Variants in LRRTM2 observed in about 807,000 individuals in gnomAD.
LRRTM2 encodes leucine rich repeat transmembrane neuronal 2, also known as leucine-rich repeat transmembrane neuronal protein 2.
A neutral mutation model predicts 40.7 loss-of-function variants in LRRTM2; 14 were observed. The ratio of observed to expected loss-of-function variants is 0.34; its 90% CI spans 0.23 to 0.54. LRRTM2 has a LOEUF of 0.54. Among genes scored for constraint, LRRTM2 ranks in the 20% least tolerant of loss-of-function variants. The pLI is 0.92. For missense variants in LRRTM2, 468 were observed against 624.4 expected (o/e 0.75, Z 2.67); for synonymous variants, 223 against 237.6 (o/e 0.94, Z 0.57).
chr5:138,874,943 C>T lies in LRRTM2; in HGVS notation c.-32G>A, dbSNP rs879769167. The stretch of plus-strand genomic sequence containing the variant: ...GAGCACATTGGAGGCTGCATTCAGT[C>T]GCGGTTGTTAGACTCAACGCAGTGA... On this transcript the variant is annotated 5_prime_UTR_variant, in exon 1 of 2. Transcript: ENST00000274711. This position sits in a 1 kb window ranked among gnomAD's most constrained non-coding sequence, Gnocchi z 4.1. The T allele has an allele frequency of 6.8e-6, 11 of 1,613,106 alleles. No individual in the cohort carries two copies. Among genetic ancestry groups the T allele is most frequent in the Middle Eastern group, 1.6e-4 (1 of 6,084 alleles).
chr5:138,870,099 A>C lies in LRRTM2; in HGVS notation c.*2911T>G, dbSNP rs1350722734. On this transcript the variant is annotated 3_prime_UTR_variant, in exon 2 of 2. Transcript: ENST00000274711. Reference sequence around the variant, plus strand: ...ATGGTCATTTTCCTCTAATCTTAAAAATAGAAAAAAAATGGAGTGGGTAGT... The same window carrying C: ...ATGGTCATTTTCCTCTAATCTTAAACATAGAAAAAAAATGGAGTGGGTAGT... The C allele has an allele frequency of 1.3e-5, 2 of 152,228 alleles. No individual in the cohort carries two copies. Among genetic ancestry groups the C allele is most frequent in the Non-Finnish European group, 2.9e-5 (2 of 68,048 alleles). The allele number at this position is 152,228 out of a possible 1,614,324, so 9.4% of individuals were successfully genotyped here.
In LRRTM2 at chr5:138,873,913, C is replaced by G. The variant is rs1241931672; in HGVS notation, c.648G>C (p.Gln216His). The change falls in exon 2 of 2, where the codon CAG becomes CAC. Residue 216 changes from glutamine (Q) to histidine (H), a missense_variant. Coordinates refer to ENST00000274711, the MANE Select transcript of LRRTM2 (RefSeq NM_015564.3). This position sits in a 1 kb window ranked among gnomAD's most constrained non-coding sequence, Gnocchi z 6.1. ...AATGAGCAAAATTAATCTTCGTCAG[C>G]TGGTTGTGCTCTAGGTGAAGCTCTC... ...KLRELHLEHNQLTKINFAHFL... is the reference protein window; with the variant it reads ...KLRELHLEHNHLTKINFAHFL... The G allele has an allele frequency of 6.2e-7, 1 of 1,613,868 alleles. No homozygotes were observed. Among genetic ancestry groups the G allele is most frequent in the African/African-American group, 1.3e-5 (1 of 74,912 alleles).
At position 138,873,250 on chromosome 5, in the gene LRRTM2, A is replaced by C. The variant is rs754512980; in HGVS notation, c.1311T>G (p.Ile437Met). ...TCCTGGAGATGAACACTATAAAAAT[A>C]ATAAAAAAGAAAGAAAACAATAAAG... The part of the protein sequence containing the change: ...TMALLFSFFF[I>M]IFIVFISRKC... Residue 437 changes from isoleucine (I) to methionine (M), a missense_variant, in exon 2 of 2, where the codon ATT becomes ATG. By Grantham distance (10) the Ile-to-Met change is conservative (BLOSUM62 1). Coordinates refer to ENST00000274711, the MANE Select transcript of LRRTM2 (RefSeq NM_015564.3). This position sits in a 1 kb window ranked among gnomAD's most constrained non-coding sequence, Gnocchi z 6.1. 1.9e-5 allele frequency: 30 copies of C among 1,613,754 alleles called. No individual in the cohort carries two copies. Among genetic ancestry groups the C allele is most frequent in the Non-Finnish European group, 2.4e-5 (28 of 1,179,734 alleles).
chr5:138,874,616 GCTA>G lies in LRRTM2; in HGVS notation c.5-63_5-61del. On this transcript the variant is annotated intron_variant, in intron 1 of 1. Coordinates refer to ENST00000274711, the MANE Select transcript of LRRTM2 (RefSeq NM_015564.3). The surrounding 1 kb of genome is among the most constrained non-coding windows in gnomAD (Gnocchi z 4.1). ...GGATATTTTTCAGCAGAACATATGG[GCTA>G]TTTAAAAAAAACAACCACCACCAAC... The G allele has an allele frequency of 9.2e-7, 1 of 1,090,776 alleles. No homozygotes were observed. Among genetic ancestry groups the G allele is most frequent in the Non-Finnish European group, 1.3e-6 (1 of 777,174 alleles). The allele number at this position is 1,090,776 out of a possible 1,614,324, so 67.6% of individuals were successfully genotyped here. A position where few individuals can be genotyped will look rare whatever the true frequency, so the allele number is the denominator to read the frequency against.
rs1479647539 is a variant in LRRTM2, at chr5:138,874,279, G to A, written c.282C>T (p.His94=). 1.2e-6 allele frequency: 2 copies of A among 1,613,990 alleles called. No homozygotes were observed. The highest frequency in any genetic ancestry group is 1.3e-5 in the African/African-American group (1 of 75,036). ...CTTCTTTTACTGTTGAAATTTGATT[G>A]TGATCTAAGTGGAGCCAAGTAAGTT... ...FSQLTWLHLD[H]NQISTVKEDA... Residue 94 remains histidine, a synonymous_variant, in exon 2 of 2, where the codon CAC becomes CAT. Coordinates refer to ENST00000274711, the MANE Select transcript of LRRTM2 (RefSeq NM_015564.3). This position sits in a 1 kb window ranked among gnomAD's most constrained non-coding sequence, Gnocchi z 4.1.
At position 138,875,250 on chromosome 5, in the gene LRRTM2, A is replaced by G. The variant is rs1001554822; in HGVS notation, c.-339T>C. ...CTCTTGGTCTTAACTTGTTGATGGCAGATGGGTGGCTTGTTGCAGAGAAGA... is the reference window on the plus strand; with the variant it reads ...CTCTTGGTCTTAACTTGTTGATGGCGGATGGGTGGCTTGTTGCAGAGAAGA... On this transcript the variant is annotated 5_prime_UTR_variant, in exon 1 of 2. Coordinates refer to ENST00000274711, the MANE Select transcript of LRRTM2 (RefSeq NM_015564.3). The G allele has an allele frequency of 2.1e-5, 7 of 339,476 alleles. No homozygotes were observed. Among genetic ancestry groups the G allele is most frequent in the Middle Eastern group, 1.0e-3 (1 of 970 alleles). 21.0% of individuals were successfully genotyped at this position (339,476 alleles called of 1,614,324 possible). A position where few individuals can be genotyped will look rare whatever the true frequency, so the allele number is the denominator to read the frequency against.
rs1374686315 is a variant in LRRTM2, at chr5:138,869,370, CTCTCT to C, written c.*3635_*3639del. 1.4e-5 allele frequency: 2 copies of C among 144,132 alleles called. No individual in the cohort carries two copies. Among genetic ancestry groups the C allele is most frequent in the Admixed American group, 6.9e-5 (1 of 14,512 alleles). 8.9% of individuals were successfully genotyped at this position (144,132 alleles called of 1,614,324 possible). On this transcript the variant is annotated 3_prime_UTR_variant, in exon 2 of 2. Transcript: ENST00000274711. ...ATCTATAGATGGCCTTACTGTCTCT[CTCTCT>C]TTTTTTTTTTTTTTCCTGGCTCAAG...
Position 138,873,517 on chromosome 5 carries a change from C to T in LRRTM2, c.1044G>A (p.Glu348=), listed in dbSNP as rs1397700132. Reference sequence around the variant, plus strand: ...ATCCATGGACTGCATCTAGAATATCCTCTCCTTGGGTGTGGTCAGGACTGT... The same window carrying T: ...ATCCATGGACTGCATCTAGAATATCTTCTCCTTGGGTGTGGTCAGGACTGT... ...LCHSPDHTQG[E]DILDAVHGFQ... is the part of the protein sequence containing the mutation. Residue 348 remains glutamate, a synonymous_variant, in exon 2 of 2, where the codon GAG becomes GAA. Coordinates refer to ENST00000274711, the MANE Select transcript of LRRTM2 (RefSeq NM_015564.3). This position sits in a 1 kb window ranked among gnomAD's most constrained non-coding sequence, Gnocchi z 6.1. The T allele has an allele frequency of 2.5e-6, 4 of 1,613,864 alleles. No individual in the cohort carries two copies. Among genetic ancestry groups the T allele is most frequent in the Non-Finnish European group, 8.5e-7 (1 of 1,179,900 alleles).
chr5:138,872,027 A>AGTGTGTGTGTGTGTGTGT lies in LRRTM2; in HGVS notation c.*965_*982dup, dbSNP rs370259988. ...TGATAGTTGAGAGAGAGAGCGCGAG[A>AGTGTGTGTGTGTGTGTGT]GTGTGTGTGTGTGTGTGTGTGTGTG... On this transcript the variant is annotated 3_prime_UTR_variant, in exon 2 of 2. Coordinates refer to ENST00000274711, the MANE Select transcript of LRRTM2 (RefSeq NM_015564.3). 6 of 133,066 alleles carry AGTGTGTGTGTGTGTGTGT rather than the reference A, an allele frequency of 4.5e-5. No individual in the cohort carries two copies. The highest frequency in any genetic ancestry group is 8.1e-5 in the Non-Finnish European group (5 of 61,996). The allele number at this position is 133,066 out of a possible 1,614,324, so 8.2% of individuals were successfully genotyped here.
Position 138,873,279 on chromosome 5 carries a change from T to C in LRRTM2, c.1282A>G (p.Met428Val). The C allele has an allele frequency of 6.2e-7, 1 of 1,613,974 alleles. No homozygotes were observed. Among genetic ancestry groups the C allele is most frequent in the Non-Finnish European group, 8.5e-7 (1 of 1,179,868 alleles). The change falls in exon 2 of 2, where the codon ATG becomes GTG. Residue 428 changes from methionine to valine, a missense_variant. Physicochemically the swap from Met to Val is conservative, Grantham distance 21. Coordinates refer to ENST00000274711, the MANE Select transcript of LRRTM2 (RefSeq NM_015564.3). The surrounding 1 kb of genome is among the most constrained non-coding windows in gnomAD (Gnocchi z 6.1). ...AAAAAGAAAGAAAACAATAAAGCCA[T>C]TGTTCCCGTAATTACCCGCTGAGTG... is the stretch of plus-strand genomic sequence containing the variant. The part of the protein sequence containing the change: ...IFTQRVITGT[M>V]ALLFSFFFII...
At position 138,874,060 on chromosome 5, in the gene LRRTM2, G is replaced by T; in HGVS notation, c.501C>A (p.Asn167Lys). The change falls in exon 2 of 2, where the codon AAC becomes AAA. Residue 167 changes from asparagine (N) to lysine (K), a missense_variant. Physicochemically the swap from Asn to Lys is moderately conservative, Grantham distance 94. Transcript: ENST00000274711. This position sits in a 1 kb window ranked among gnomAD's most constrained non-coding sequence, Gnocchi z 4.1. ...RKLQTLHLRS[N>K]SLRTIPVRLF... ...GGCGTACTGGGATAGTCCGCAGGGA[G>T]TTGGAACGTAAATGCAAGGTCTGCA... 1 of 1,614,006 alleles carries T rather than the reference G, an allele frequency of 6.2e-7. No homozygotes were observed. The highest frequency in any genetic ancestry group is 8.5e-7 in the Non-Finnish European group (1 of 1,179,882).
At position 138,874,634 on chromosome 5, in the gene LRRTM2, C is replaced by A. The variant is rs1317171654; in HGVS notation, c.5-78G>T. The A allele has an allele frequency of 3.4e-6, 3 of 892,504 alleles. No individual in the cohort carries two copies. The highest frequency in any genetic ancestry group is 1.7e-5 in the African/African-American group (1 of 59,126). 55.3% of individuals were successfully genotyped at this position (892,504 alleles called of 1,614,324 possible). Reference sequence around the variant, plus strand: ...CATATGGGCTATTTAAAAAAAACAACCACCACCAACATTATAGCAAAAGAT... The same window carrying A: ...CATATGGGCTATTTAAAAAAAACAAACACCACCAACATTATAGCAAAAGAT... On this transcript the variant is annotated intron_variant, in intron 1 of 1. Coordinates refer to ENST00000274711, the MANE Select transcript of LRRTM2 (RefSeq NM_015564.3). This position sits in a 1 kb window ranked among gnomAD's most constrained non-coding sequence, Gnocchi z 4.1.
rs1765253110 is a variant in LRRTM2, at chr5:138,870,680, C to A, written c.*2330G>T. On this transcript the variant is annotated 3_prime_UTR_variant, in exon 2 of 2. Transcript: ENST00000274711. ...TGATGGAAAATACTCCTCTGCTGTC[C>A]TTCAGGGCTGATGGAATCTTGTGTG... 6.6e-6 allele frequency: 1 copy of A among 152,210 alleles called. No individual in the cohort carries two copies. 9.4% of individuals were successfully genotyped at this position (152,210 alleles called of 1,614,324 possible). A position where few individuals can be genotyped will look rare whatever the true frequency, so the allele number is the denominator to read the frequency against.
Position 138,870,018 on chromosome 5 carries a change from A to G in LRRTM2, c.*2992T>C, listed in dbSNP as rs1455540176. 3 of 152,552 alleles carry G rather than the reference A, an allele frequency of 2.0e-5. No individual in the cohort carries two copies. Among genetic ancestry groups the G allele is most frequent in the Non-Finnish European group, 4.4e-5 (3 of 68,032 alleles). The allele number at this position is 152,552 out of a possible 1,614,324, so 9.4% of individuals were successfully genotyped here. On this transcript the variant is annotated 3_prime_UTR_variant, in exon 2 of 2. Coordinates refer to ENST00000274711, the MANE Select transcript of LRRTM2 (RefSeq NM_015564.3). ...TTGGTTTCTAGATGGGTATGGTATC[A>G]TAGTCTTCTTTAGCTTTCCTTTTTC...
Position 138,868,994 on chromosome 5 carries a change from C to G in LRRTM2, c.*4016G>C, listed in dbSNP as rs1028727618. On this transcript the variant is annotated 3_prime_UTR_variant, in exon 2 of 2. Transcript: ENST00000274711. ...ACTGCTCTTTATGTTACCCTCCCCC[C>G]TCCCAAAACACCCTGCATAATAGTA... 3 of 150,838 alleles carry G rather than the reference C, an allele frequency of 2.0e-5. No individual in the cohort carries two copies. The highest frequency in any genetic ancestry group is 7.3e-5 in the African/African-American group (3 of 41,046). The allele number at this position is 150,838 out of a possible 1,614,324, so 9.3% of individuals were successfully genotyped here.
In LRRTM2 at chr5:138,873,288, T is replaced by A; in HGVS notation, c.1273A>T (p.Thr425Ser). Residue 425 changes from threonine (T) to serine (S), a missense_variant, in exon 2 of 2, where the codon ACG (threonine) becomes TCG (serine). Transcript: ENST00000274711. This position sits in a 1 kb window ranked among gnomAD's most constrained non-coding sequence, Gnocchi z 6.1. The part of the protein sequence containing the change: ...DNAIFTQRVI[T>S]GTMALLFSFF... ...GAAAACAATAAAGCCATTGTTCCCG[T>A]AATTACCCGCTGAGTGAAGATGGCA... The A allele has an allele frequency of 6.2e-7, 1 of 1,614,054 alleles. No homozygotes were observed. Among genetic ancestry groups the A allele is most frequent in the Non-Finnish European group, 8.5e-7 (1 of 1,179,894 alleles).
chr5:138,875,013 T>C lies in LRRTM2; in HGVS notation c.-102A>G. ...ATGTAGGAGCCTTTGACCAGTTTCC[T>C]GTTTTCTGTGTCCCAGGCTTTCCAA... On this transcript the variant is annotated 5_prime_UTR_variant, in exon 1 of 2. Coordinates refer to ENST00000274711, the MANE Select transcript of LRRTM2 (RefSeq NM_015564.3). 8.6e-7 allele frequency: 1 copy of C among 1,169,084 alleles called. No individual in the cohort carries two copies. Among genetic ancestry groups the C allele is most frequent in the Non-Finnish European group, 1.3e-6 (1 of 795,068 alleles). 72.4% of individuals were successfully genotyped at this position (1,169,084 alleles called of 1,614,324 possible). A position where few individuals can be genotyped will look rare whatever the true frequency, so the allele number is the denominator to read the frequency against.
chr5:138,875,151 T>G lies in LRRTM2; in HGVS notation c.-240A>C. 2 of 439,742 alleles carry G rather than the reference T, an allele frequency of 4.5e-6. No individual in the cohort carries two copies. 27.2% of individuals were successfully genotyped at this position (439,742 alleles called of 1,614,324 possible). On this transcript the variant is annotated 5_prime_UTR_variant, in exon 1 of 2. Transcript: ENST00000274711. The stretch of plus-strand genomic sequence containing the variant: ...TCCCTAAATCAGTTTTGAATATAAG[T>G]TATTAAATTTCTCCACCTCTAACTG...
chr5:138,872,890 C>G lies in LRRTM2; in HGVS notation c.*120G>C. ...TACTTCAACACTTCAAAAACTAAGTCTCCACTTAGTTTGGAAAATTAGGCT... is the reference window on the plus strand; with the variant it reads ...TACTTCAACACTTCAAAAACTAAGTGTCCACTTAGTTTGGAAAATTAGGCT... On this transcript the variant is annotated 3_prime_UTR_variant, in exon 2 of 2. Coordinates refer to ENST00000274711, the MANE Select transcript of LRRTM2 (RefSeq NM_015564.3). 1.6e-6 allele frequency: 1 copy of G among 627,112 alleles called. No individual in the cohort carries two copies. Among genetic ancestry groups the G allele is most frequent in the Non-Finnish European group, 2.6e-6 (1 of 382,102 alleles). The allele number at this position is 627,112 out of a possible 1,614,324, so 38.8% of individuals were successfully genotyped here. A position where few individuals can be genotyped will look rare whatever the true frequency, so the allele number is the denominator to read the frequency against.
Sources: gnomAD v4.1 joint callset for allele counts on GRCh38, gnomAD v4.1.1 for gene constraint, Gnocchi (gnomAD v3.1) non-coding constraint, MANE v1.5 for transcripts, NCBI Gene and HGNC (gene_info 2026-07-23, HGNC 2026-07-21) for gene names.